TFB1M: variants seen among roughly 807,000 people sequenced by gnomAD.
The protein encoded by TFB1M is transcription factor B1, mitochondrial.
A neutral mutation model predicts 31.1 loss-of-function variants in TFB1M; 27 were observed. The observed-to-expected ratio is 0.87, with a 90% CI of 0.64 to 1.20. The LOEUF is 1.20. Ranked by LOEUF, TFB1M falls within the 50% of genes most tolerant of loss-of-function variation. TFB1M has a pLI of 0.00. For missense variants in TFB1M, 394 were observed against 418.7 expected (o/e 0.94, Z 0.51); for synonymous variants, 166 against 151.8 (o/e 1.09, Z -0.69).
At chr6:155,242,901 A>AT in the TFB1M span, among the ~76,000 whole-genome samples, 55,124 of 131,746 alleles carry the variant, frequency 0.42, 11,771 homozygotes, top group East Asian at 0.83. Context: ...ACACCCAGCT[A>AT]TTTTTTTTTT....
At chr6:155,281,701 G>A (rs964341300) in intron 5 of TFB1M, among the ~76,000 whole-genome samples, 27 of 130,528 alleles carry the variant, frequency 2.1e-4, no homozygotes, top group Non-Finnish European at 4.0e-4. Context: ...CAGCCTGGGC[G>A]GCAGAGTGAG....
At chr6:155,298,198 C>T (rs1001812324) in intron 3 of TFB1M, among the ~76,000 whole-genome samples, 3 of 152,002 alleles carry the variant, frequency 2.0e-5, no homozygotes, top group Admixed American at 6.6e-5. Flanking sequence ...GATAGTTTAC[C>T]CTATCCTTAT....
At position 155,311,219 on chromosome 6, in the gene TFB1M, T is replaced by C. The variant is rs201368478; in HGVS notation, c.254A>G (p.Glu85Gly). ...NADVAELLVV[E>G]KDTRFIPGLQ... is the part of the protein sequence containing the mutation. The stretch of plus-strand genomic sequence containing the variant: ...TCCAGGAATAAATCGAGTGTCCTTT[T>C]CAACCACCAGAAGTTCAGCGACGTC... The change falls in exon 2 of 7, where the codon GAA (glutamate) becomes GGA (glycine). Residue 85 changes from glutamate (E) to glycine (G), a missense_variant. By Grantham distance (98) the Glu-to-Gly change is moderately conservative. Coordinates refer to ENST00000367166, the MANE Select transcript of TFB1M (RefSeq NM_016020.4). 1 of 1,614,166 alleles carries C rather than the reference T, an allele frequency of 6.2e-7. No homozygotes were observed. Among genetic ancestry groups the C allele is most frequent in the Non-Finnish European group, 8.5e-7 (1 of 1,179,988 alleles).
chr6:155,234,193 G>A, the TFB1M span, among the ~76,000 whole-genome samples: 1 of 152,122 alleles, frequency 6.6e-6, no homozygotes, highest in Non-Finnish European at 1.5e-5. Flanking sequence ...ACCAATCTGA[G>A]GCCCCCATTT....
chr6:155,279,950 G>A (rs1785417051), intron 5 of TFB1M, among the ~76,000 whole-genome samples: 1 of 151,908 alleles, frequency 6.6e-6, no homozygotes, highest in South Asian at 2.1e-4. Flanking sequence ...ATGGCTTTTG[G>A]TTTATATTTA....
chr6:155,282,987 A>G (rs963338301), intron 5 of TFB1M, among the ~76,000 whole-genome samples: 3 of 151,848 alleles, frequency 2.0e-5, no homozygotes, highest in African/African-American at 7.3e-5. Flanking sequence ...TCGGCCTCCC[A>G]AAGTGCTGGG....
chr6:155,257,654 T>C lies in TFB1M; in HGVS notation c.*182A>G, dbSNP rs973446353. On this transcript the variant is annotated 3_prime_UTR_variant, in exon 7 of 7. Transcript: ENST00000367166. ...ATACAGTATATATTAAAAGAAAGCT[T>C]GTACTGTATCTTATTTGATGATATT... 7.7e-6 allele frequency: 5 copies of C among 649,508 alleles called. No homozygotes were observed. The highest frequency in any genetic ancestry group is 1.3e-5 in the Non-Finnish European group (5 of 382,560). The allele number at this position is 649,508 out of a possible 1,614,324, so 40.2% of individuals were successfully genotyped here.
rs796131306 is a variant in TFB1M, at chr6:155,292,964, G to C, written c.546+3989C>G. Among the ~76,000 whole-genome samples, 6 of 152,190 alleles carry C rather than the reference G, an allele frequency of 3.9e-5. No homozygotes were observed. The South Asian group carries it at 1.2e-3, about 32-fold the overall frequency. The stretch of plus-strand genomic sequence containing the variant: ...CCACCTCAGCCTCCTGAGTAGTCGA[G>C]ACCACAGGCATGCAGCACCGGACCT... On this transcript the variant is annotated intron_variant, in intron 4 of 6. Transcript: ENST00000367166.
At chr6:155,305,610 T>C (rs868760996) in intron 2 of TFB1M, among the ~76,000 whole-genome samples, 4 of 74,190 alleles carry the variant, frequency 5.4e-5, no homozygotes, top group Admixed American at 4.5e-4. Flanking sequence ...TAAATATATA[T>C]ATATTAAATT....
intron 6 of TFB1M, among the ~76,000 whole-genome samples, chr6:155,260,061 G>A (rs1784321783): frequency 6.6e-6 from 1 of 152,212 alleles, no homozygotes; most frequent in Non-Finnish European, 1.5e-5. Flanking sequence ...ACTCCAGGCT[G>A]CGCTTATGTT....
chr6:155,248,810 T>G, the TFB1M span, among the ~76,000 whole-genome samples: 27 of 152,370 alleles, frequency 1.8e-4, 2 homozygotes, highest in African/African-American at 6.3e-4. Context: ...GATAGTGATT[T>G]GTTCATATGT....
downstream of TFB1M, chr6:155,251,885 G>C: frequency 1.3e-5 from 18 of 1,381,418 alleles, no homozygotes; most frequent in Admixed American, 1.9e-5. Context: ...TTCAGCTCTA[G>C]TTTAACCTTG....
chr6:155,280,778 G>T (rs1785462248), intron 5 of TFB1M, among the ~76,000 whole-genome samples: 1 of 152,104 alleles, frequency 6.6e-6, no homozygotes, highest in Non-Finnish European at 1.5e-5. Flanking sequence ...TCTCTTCTGT[G>T]GACCCATCCA....
chr6:155,241,131 G>A, the TFB1M span, among the ~76,000 whole-genome samples: 1 of 152,218 alleles, frequency 6.6e-6, no homozygotes, highest in African/African-American at 2.4e-5. Context: ...CCTGCCTGGT[G>A]GTTGTCATCG....
chr6:155,239,368 G>A, the TFB1M span, among the ~76,000 whole-genome samples: 34 of 152,308 alleles, frequency 2.2e-4, no homozygotes, highest in African/African-American at 6.3e-4. Flanking sequence ...CCAGTGAGCT[G>A]GCTGCTGGCG....
At chr6:155,288,736 C>T (rs1188067448) in intron 4 of TFB1M, among the ~76,000 whole-genome samples, 1 of 152,164 alleles carries the variant, frequency 6.6e-6, no homozygotes, top group East Asian at 1.9e-4. Flanking sequence ...TAGAAAAAAG[C>T]AGCACACATA....
intron 5 of TFB1M, among the ~76,000 whole-genome samples, chr6:155,263,778 G>T (rs569682677): frequency 6.6e-6 from 1 of 152,148 alleles, no homozygotes; most frequent in Admixed American, 6.5e-5. Flanking sequence ...CACATGCACA[G>T]ACACAGAAAC....
At position 155,311,188 on chromosome 6, in the gene TFB1M, C is replaced by T. The variant is rs1317548367; in HGVS notation, c.285G>A (p.Gln95=). ...AAAGCAGACACTTTAAGCATCTCAC[C>T]TGTAATCCAGGAATAAATCGAGTGT... The part of the protein sequence containing the change: ...EKDTRFIPGL[Q]MLSDAAPGKL... The change falls in exon 2 of 7, where the codon CAG becomes CAA. Residue 95 remains glutamine (Q), a splice_region_variant and synonymous_variant. Coordinates refer to ENST00000367166, the MANE Select transcript of TFB1M (RefSeq NM_016020.4). 1 of 1,614,004 alleles carries T rather than the reference C, an allele frequency of 6.2e-7. No homozygotes were observed. Among genetic ancestry groups the T allele is most frequent in the Non-Finnish European group, 8.5e-7 (1 of 1,179,908 alleles).
At chr6:155,259,589 C>T (rs757760132) in intron 6 of TFB1M, among the ~76,000 whole-genome samples, 4 of 152,232 alleles carry the variant, frequency 2.6e-5, no homozygotes, top group Admixed American at 6.5e-5. Context: ...CCTCTCACGC[C>T]GAGCCTCTTT....
Sources: allele counts gnomAD v4.1 joint callset (sites outside exome capture counted in the v4.1 genomes callset), GRCh38; gene constraint gnomAD v4.1.1; transcripts MANE v1.5; gene names NCBI Gene and HGNC (gene_info 2026-07-23, HGNC 2026-07-21).